The following XKR5 variants were observed in gnomAD, a reference collection of about 807,000 sequenced individuals.
XKR5 encodes XK related 5, also known as XK-related protein 5.
A neutral mutation model predicts 40.8 loss-of-function variants in XKR5; 46 were observed. That is an observed-to-expected ratio of 1.13 (90% confidence interval 0.89 to 1.44). XKR5 has a LOEUF of 1.44. Ranked by LOEUF, XKR5 falls within the 40% of genes most tolerant of loss-of-function variation. XKR5 has a pLI of 0.00. For synonymous variants in XKR5, 466 were observed against 356.1 expected (o/e 1.31, Z -3.48); for missense variants, 1,169 against 844.7 (o/e 1.38, Z -4.76).
In XKR5 at chr8:6,832,767, C is replaced by T. The variant is rs1019598080; in HGVS notation, c.192G>A (p.Gly64=). ...GGTGCAGCATCATCAAGGAGCAATGCCCTGGATGCCCGTCTGCTCGGAACC... is the reference window on the plus strand; with the variant it reads ...GGTGCAGCATCATCAAGGAGCAATGTCCTGGATGCCCGTCTGCTCGGAACC... ...YLWFRADGHP[G]HCSLMMLHLL... is the part of the protein sequence containing the mutation. The change falls in exon 2 of 7, where the codon GGG becomes GGA. Residue 64 remains glycine, a synonymous_variant. Coordinates refer to ENST00000618742, the MANE Select transcript of XKR5 (RefSeq NM_207411.5). 2.5e-6 allele frequency: 4 copies of T among 1,613,446 alleles called. No individual in the cohort carries two copies. The highest frequency in any genetic ancestry group is 1.6e-4 in the Middle Eastern group (1 of 6,062).
chr8:6,835,333 TG>T (rs1164565143), intron 1 of XKR5, 102 bp downstream of exon 1: 12 of 1,202,050 alleles, frequency 1.0e-5, no homozygotes, highest in Non-Finnish European at 1.2e-5. Flanking sequence ...GGGCGCAGGC[TG>T]GGGCAGTGCC....
In XKR5 at chr8:6,811,787, G is replaced by A. The variant is rs1460245229; in HGVS notation, c.1472C>T (p.Ala491Val). Residue 491 changes from alanine (A) to valine (V), a missense_variant, in exon 7 of 7, where the codon GCC (alanine) becomes GTC (valine). Coordinates refer to ENST00000618742, the MANE Select transcript of XKR5 (RefSeq NM_207411.5). ...AGGTGCTTCATCCTGCTGATCGCTG[G>A]CAAAAGATACGTAACTTGAGGTTTC... is the stretch of plus-strand genomic sequence containing the variant. Reference protein sequence around the residue: ...PLETSSYVSFASDQQDEAPTQ... With the variant: ...PLETSSYVSFVSDQQDEAPTQ... The A allele has an allele frequency of 6.5e-7, 1 of 1,537,628 alleles. No homozygotes were observed. The highest frequency in any genetic ancestry group is 1.2e-5 in the South Asian group (1 of 84,060).
At chr8:6,813,669 C>G (rs1803836310) in intron 6 of XKR5, among the ~76,000 whole-genome samples, 1 of 152,202 alleles carries the variant, frequency 6.6e-6, no homozygotes, top group Non-Finnish European at 1.5e-5. Context: ...GAGCGGCAGA[C>G]AAGGCTCTGA....
In XKR5 at chr8:6,811,798, G is replaced by A. The variant is rs769648588; in HGVS notation, c.1461C>T (p.Tyr487=). The A allele has an allele frequency of 1.2e-5, 18 of 1,537,554 alleles. No individual in the cohort carries two copies. Among genetic ancestry groups the A allele is most frequent in the South Asian group, 4.8e-5 (4 of 84,070 alleles). The change falls in exon 7 of 7, where the codon TAC becomes TAT. Residue 487 remains tyrosine, a synonymous_variant. Transcript: ENST00000618742. Reference sequence around the variant, plus strand: ...CCTGCTGATCGCTGGCAAAAGATACGTAACTTGAGGTTTCCAATGGGTCGG... The same window carrying A: ...CCTGCTGATCGCTGGCAAAAGATACATAACTTGAGGTTTCCAATGGGTCGG... The part of the protein sequence containing the change: ...AEADPLETSS[Y]VSFASDQQDE...
chr8:6,834,120 C>T (rs976920015), intron 1 of XKR5, among the ~76,000 whole-genome samples: 17 of 152,196 alleles, frequency 1.1e-4, no homozygotes, highest in African/African-American at 3.9e-4. Context: ...CCCCAATACT[C>T]CTAGCACGGC....
Position 6,832,901 on chromosome 8 carries a change from C to T in XKR5, c.59-1G>A, listed in dbSNP as rs1804837553. On this transcript the variant is annotated splice_acceptor_variant, in intron 1 of 6. Transcript: ENST00000618742. LOFTEE classifies it high-confidence loss of function. ...AAGTAGTAAGCCACGGTGTAAAGGC[C>T]TGGGTGAGAAGGGGAAAGGCAAGCA... 1 of 1,565,108 alleles carries T rather than the reference C, an allele frequency of 6.4e-7. No individual in the cohort carries two copies. Among genetic ancestry groups the T allele is most frequent in the African/African-American group, 1.4e-5 (1 of 72,370 alleles).
chr8:6,829,597 C>T (rs1172218058), intron 2 of XKR5, among the ~76,000 whole-genome samples: 1 of 152,168 alleles, frequency 6.6e-6, no homozygotes, highest in South Asian at 2.1e-4. Flanking sequence ...CTCACTGTAA[C>T]CTCTACTTCC....
At chr8:6,827,562 G>C (rs1411282396) in intron 2 of XKR5, among the ~76,000 whole-genome samples, 1 of 152,286 alleles carries the variant, frequency 6.6e-6, no homozygotes, top group Non-Finnish European at 1.5e-5. Flanking sequence ...TGGAATCCTG[G>C]AGTGAACCCA....
chr8:6,833,125 C>T (rs896252217), intron 1 of XKR5, among the ~76,000 whole-genome samples: 2 of 152,176 alleles, frequency 1.3e-5, no homozygotes, highest in Admixed American at 6.5e-5. Flanking sequence ...CTAGCCAGAG[C>T]CAGACCTCCC....
At position 6,825,237 on chromosome 8, in the gene XKR5, G is replaced by T; in HGVS notation, c.355C>A (p.Leu119Met). 6.2e-7 allele frequency: 1 copy of T among 1,612,994 alleles called. No individual in the cohort carries two copies. The highest frequency in any genetic ancestry group is 8.5e-7 in the Non-Finnish European group (1 of 1,179,578). Residue 119 changes from leucine to methionine, a missense_variant, in exon 3 of 7, where the codon CTG becomes ATG. By Grantham distance (15) the Leu-to-Met change is conservative. Coordinates refer to ENST00000618742, the MANE Select transcript of XKR5 (RefSeq NM_207411.5). ...LSALRLLEAL[L>M]QTGPHLLLQT... The stretch of plus-strand genomic sequence containing the variant: ...AGCAGCAGGTGGGGCCCAGTCTGCA[G>T]CAGGGCCTCCAAGAGTCGAAGGGCC...
chr8:6,835,187 G>T (rs941718391), intron 1 of XKR5, among the ~76,000 whole-genome samples: 23 of 128,768 alleles, frequency 1.8e-4, no homozygotes, highest in African/African-American at 5.0e-4. Flanking sequence ...AGTCGGGAGG[G>T]GGGGGAACCG....
In XKR5 at chr8:6,825,107, C is replaced by G. The variant is rs1804399942; in HGVS notation, c.427+58G>C. On this transcript the variant is annotated intron_variant, in intron 3 of 6. Coordinates refer to ENST00000618742, the MANE Select transcript of XKR5 (RefSeq NM_207411.5). The stretch of plus-strand genomic sequence containing the variant: ...GGGAGGGTTTTGCTAAACAGGCTCA[C>G]ATTCCTGTCCCCCTTCGGCAGTCAG... 26 of 1,595,008 alleles carry G rather than the reference C, an allele frequency of 1.6e-5. No individual in the cohort carries two copies. The South Asian group carries it at 2.9e-4, about 18-fold the overall frequency.
chr8:6,818,857 C>T (rs577399036), intron 5 of XKR5, among the ~76,000 whole-genome samples: 104 of 152,262 alleles, frequency 6.8e-4, no homozygotes, highest in African/African-American at 2.5e-3. Context: ...CAGGCGGTGG[C>T]CTGTTGGTTA....
At chr8:6,833,536 G>T (rs1341684429) in intron 1 of XKR5, among the ~76,000 whole-genome samples, 1 of 152,346 alleles carries the variant, frequency 6.6e-6, no homozygotes, top group East Asian at 1.9e-4. Context: ...TTCAAGACCA[G>T]TCTGGGCCTC....
intron 2 of XKR5, among the ~76,000 whole-genome samples, chr8:6,832,167 C>G (rs1804799401): frequency 6.6e-6 from 1 of 152,166 alleles, no homozygotes; most frequent in African/African-American, 2.4e-5. Context: ...AAAATCAGCC[C>G]TCACCTGTCG....
rs1446408649 is a variant in XKR5 at position 6,809,940 on chromosome 8, G to C, written c.*1258C>G. On this transcript the variant is annotated 3_prime_UTR_variant, in exon 7 of 7. Transcript: ENST00000618742. ...AGCCTGAGCCACCTGGCAAGAACCT[G>C]TCTCTACAAAAAATACAAAAAAGTA... 2.6e-5 allele frequency: 4 copies of C among 152,126 alleles called. No individual in the cohort carries two copies. In the East Asian group the frequency reaches 7.7e-4, roughly 29 times the overall value. The allele number at this position is 152,126 out of a possible 1,614,324, so 9.4% of individuals were successfully genotyped here.
intron 2 of XKR5, among the ~76,000 whole-genome samples, chr8:6,825,920 A>C (rs1338880003): frequency 6.6e-6 from 1 of 152,216 alleles, no homozygotes; most frequent in Admixed American, 6.5e-5. Flanking sequence ...CTGGAGCACC[A>C]TGCGGAGCTT....
Position 6,823,716 on chromosome 8 carries a change from A to T in XKR5, c.442T>A (p.Phe148Ile). ...GCCCAGGAGAGTGAGGACCAGGAAAACAGGGTGCTCACCCCTGAAAGGGAA... is the reference window on the plus strand; with the variant it reads ...GCCCAGGAGAGTGAGGACCAGGAAATCAGGGTGCTCACCCCTGAAAGGGAA... ...TDIVPGVSTL[F>I]SWSSLSWALV... The change falls in exon 4 of 7, where the codon TTT (phenylalanine) becomes ATT (isoleucine). Residue 148 changes from phenylalanine to isoleucine, a missense_variant. Coordinates refer to ENST00000618742, the MANE Select transcript of XKR5 (RefSeq NM_207411.5). The T allele has an allele frequency of 1.3e-6, 2 of 1,580,792 alleles. No homozygotes were observed. The highest frequency in any genetic ancestry group is 1.7e-6 in the Non-Finnish European group (2 of 1,163,564).
intron 4 of XKR5, among the ~76,000 whole-genome samples, 196 bp downstream of exon 4, chr8:6,823,325 C>A (rs1472835577): frequency 6.6e-6 from 1 of 152,188 alleles, no homozygotes; most frequent in African/African-American, 2.4e-5. Flanking sequence ...TAATTCCTGT[C>A]AAGGCTCTTT....
Sources: gnomAD v4.1 joint callset for allele counts (sites outside exome capture counted in the v4.1 genomes callset) on GRCh38, gnomAD v4.1.1 for gene constraint, MANE v1.5 for transcripts, NCBI Gene and HGNC (gene_info 2026-07-23, HGNC 2026-07-21) for gene names.